The following LRP1 variants were observed in gnomAD, a reference collection of about 807,000 sequenced individuals.
LRP1 encodes prolow-density lipoprotein receptor-related protein 1.
In LRP1, 51 loss-of-function variants were observed where a neutral mutation model predicts 541.5. The ratio of observed to expected loss-of-function variants is 0.09; its 90% CI spans 0.08 to 0.12. The LOEUF is 0.12. Among genes scored for constraint, LRP1 ranks in the 10% least tolerant of loss-of-function variants. The probability of loss-of-function intolerance (pLI) is 1.00; values close to 1 mark genes in which losing one functional copy is unlikely to be tolerated. For missense variants in LRP1, 3,878 were observed against 6,376.2 expected, an observed-to-expected ratio of 0.61 and a Z score of 13.34; for synonymous variants, 2,219 against 2,470.8, an observed-to-expected ratio of 0.90 and a Z score of 3.02.
At chr12:57,176,964 G>A (rs145195779) in intron 24 of LRP1, 77 bp from the exon 25 acceptor site, 19 of 1,323,036 alleles carry the variant, frequency 1.4e-5, no homozygotes, top group Admixed American at 6.7e-5. Flanking sequence ...GTGGGTCATC[G>A]AGGGCTCCCA....
chr12:57,198,166 G>A lies in LRP1; in HGVS notation c.9293G>A (p.Arg3098His), dbSNP rs1281515531. Residue 3098 changes from arginine (R) to histidine (H), a missense_variant, in exon 59 of 89, where the codon CGT becomes CAT. Arg to His is a conservative substitution (Grantham distance 29). This residue lies in a region of LRP1 where 1,100 missense variants were observed against 1,827.4 expected (regional missense o/e 0.60). Coordinates refer to ENST00000243077, the MANE Select transcript of LRP1 (RefSeq NM_002332.3). ...LNGSNVQVLH[R>H]TGLSNPDGLA... Reference sequence around the variant, plus strand: ...TGCCCCTTCCTGCAGGTCCTACACCGTACAGGCCTCAGCAACCCCGATGGG... The same window carrying A: ...TGCCCCTTCCTGCAGGTCCTACACCATACAGGCCTCAGCAACCCCGATGGG... The A allele has an allele frequency of 9.3e-6, 15 of 1,611,492 alleles. No homozygotes were observed. The highest frequency in any genetic ancestry group is 1.7e-5 in the Admixed American group (1 of 59,978).
rs924839979 is a variant in LRP1, at chr12:57,184,711, A to G, written c.6187-128A>G. The G allele has an allele frequency of 4.7e-6, 5 of 1,064,468 alleles. No homozygotes were observed. In the Admixed American group the frequency reaches 7.3e-5, roughly 16 times the overall value. 65.9% of individuals were successfully genotyped at this position (1,064,468 alleles called of 1,614,324 possible). On this transcript the variant is annotated intron_variant, in intron 38 of 88. Coordinates refer to ENST00000243077, the MANE Select transcript of LRP1 (RefSeq NM_002332.3). This position sits in a 1 kb window ranked among gnomAD's most constrained non-coding sequence, Gnocchi z 7.8. ...GGCAGTGGGCAGGAGTGTATGCAGGAGGCAGGAGTGAGTTAGGGGAGGCTG... is the reference window on the plus strand; with the variant it reads ...GGCAGTGGGCAGGAGTGTATGCAGGGGGCAGGAGTGAGTTAGGGGAGGCTG...
At chr12:57,176,146 G>A in intron 24 of LRP1, 40 bp downstream of exon 24, 2 of 1,606,750 alleles carry the variant, frequency 1.2e-6, no homozygotes, top group Non-Finnish European at 1.7e-6. Context: ...CACACAGGCG[G>A]AGCGCTCAGG....
Position 57,195,663 on chromosome 12 carries a change from A to G in LRP1, c.8443A>G (p.Asn2815Asp), listed in dbSNP as rs754509643. The G allele has an allele frequency of 6.2e-7, 1 of 1,614,102 alleles. No individual in the cohort carries two copies. Among genetic ancestry groups the G allele is most frequent in the South Asian group, 1.1e-5 (1 of 91,084 alleles). ...DESIAAGCLY[N>D]STCDDREFMC... ...GTGTCCACCTCTGTCCACAGTGTAC[A>G]ACAGCACTTGTGACGACCGTGAGTT... The change falls in exon 53 of 89, where the codon AAC becomes GAC. Residue 2815 changes from asparagine (N) to aspartate (D), a missense_variant. Around this residue, in one of 13 missense-constraint regions of LRP1, gnomAD observed 1,100 missense variants for 1,827.4 expected, o/e 0.60. Coordinates refer to ENST00000243077, the MANE Select transcript of LRP1 (RefSeq NM_002332.3).
chr12:57,136,310 T>C lies in LRP1; in HGVS notation c.68-2149T>C, dbSNP rs371167958. Among the ~76,000 whole-genome samples the C allele has an allele frequency of 1.5e-3, 231 of 151,302 alleles. 1 individual carries two copies. The highest frequency in any genetic ancestry group is 5.5e-3 in the African/African-American group (227 of 41,172). On this transcript the variant is annotated intron_variant, in intron 1 of 88. Transcript: ENST00000243077. The stretch of plus-strand genomic sequence containing the variant: ...AACTCGGTCATTTTGGCCAGGGGCC[T>C]GAGTGCCGTCTCCCCTGCCAGCGGT...
chr12:57,173,491 C>T lies in LRP1; in HGVS notation c.3346+141C>T, dbSNP rs2035984144. On this transcript the variant is annotated intron_variant, in intron 21 of 88. Coordinates refer to ENST00000243077, the MANE Select transcript of LRP1 (RefSeq NM_002332.3). This position sits in a 1 kb window ranked among gnomAD's most constrained non-coding sequence, Gnocchi z 4.7. ...GGACAGTGCAAGGCAAAAGGCAGTC[C>T]AGAGGAAGCTTGTGTGTCATGGGTG... is the stretch of plus-strand genomic sequence containing the variant. The T allele has an allele frequency of 2.1e-6, 2 of 956,222 alleles. No homozygotes were observed. The highest frequency in any genetic ancestry group is 3.1e-6 in the Non-Finnish European group (2 of 650,452). 59.2% of individuals were successfully genotyped at this position (956,222 alleles called of 1,614,324 possible).
At chr12:57,163,685 A>G (rs1328425010) in intron 15 of LRP1, among the ~76,000 whole-genome samples, 2 of 152,166 alleles carry the variant, frequency 1.3e-5, no homozygotes, top group African/African-American at 2.4e-5. Flanking sequence ...TATTGTTAGC[A>G]TTGTGGTAAA....
chr12:57,188,022 C>T (rs2036302576), intron 42 of LRP1, among the ~76,000 whole-genome samples: 1 of 152,190 alleles, frequency 6.6e-6, no homozygotes, highest in Non-Finnish European at 1.5e-5. Flanking sequence ...TGAAGAAAGG[C>T]AAATTCAAGG....
chr12:57,183,608 G>A lies in LRP1; in HGVS notation c.5794+98G>A. 2 of 1,515,012 alleles carry A rather than the reference G, an allele frequency of 1.3e-6. No individual in the cohort carries two copies. The highest frequency in any genetic ancestry group is 8.9e-7 in the Non-Finnish European group (1 of 1,125,026). The allele number at this position is 1,515,012 out of a possible 1,614,324, so 93.8% of individuals were successfully genotyped here. A position where few individuals can be genotyped will look rare whatever the true frequency, so the allele number is the denominator to read the frequency against. On this transcript the variant is annotated intron_variant, in intron 35 of 88. Coordinates refer to ENST00000243077, the MANE Select transcript of LRP1 (RefSeq NM_002332.3). The surrounding 1 kb of genome is among the most constrained non-coding windows in gnomAD (Gnocchi z 6.1). Reference sequence around the variant, plus strand: ...GTCCAGTGAGAGGCTGCCTGAATTGGCCTGAGGTGGGGCACTTGCTACAGC... The same window carrying A: ...GTCCAGTGAGAGGCTGCCTGAATTGACCTGAGGTGGGGCACTTGCTACAGC...
rs1320428611 is a variant in LRP1, at chr12:57,183,747, A to C, written c.5795-28A>C. The C allele has an allele frequency of 6.2e-7, 1 of 1,613,062 alleles. No individual in the cohort carries two copies. Among genetic ancestry groups the C allele is most frequent in the East Asian group, 2.2e-5 (1 of 44,888 alleles). The stretch of plus-strand genomic sequence containing the variant: ...TCACCTTACCCCTGCCTTATTGGGC[A>C]TCCCCATGTCACCTCCTCCACCTCC... On this transcript the variant is annotated intron_variant, in intron 35 of 88. Transcript: ENST00000243077. This position sits in a 1 kb window ranked among gnomAD's most constrained non-coding sequence, Gnocchi z 6.1.
In LRP1 at chr12:57,173,388, A is replaced by G. The variant is rs762863349; in HGVS notation, c.3346+38A>G. The stretch of plus-strand genomic sequence containing the variant: ...GTTGGAGGGCGTCTGGAACAGCACA[A>G]TGTGGGCAGGAGGAGACCGTGTTGA... On this transcript the variant is annotated intron_variant, in intron 21 of 88. Coordinates refer to ENST00000243077, the MANE Select transcript of LRP1 (RefSeq NM_002332.3). The surrounding 1 kb of genome is among the most constrained non-coding windows in gnomAD (Gnocchi z 4.7). 3 of 1,595,300 alleles carry G rather than the reference A, an allele frequency of 1.9e-6. No homozygotes were observed. In the South Asian group the frequency reaches 3.4e-5, roughly 18 times the overall value.
In LRP1 at chr12:57,210,295, C is replaced by T. The variant is rs199788159; in HGVS notation, c.12581-12C>T. ...TCCCCTGGCTCTGCCCCTTGACGGG[C>T]CCTTCCTGCAGCTCCCCGGCCTGGA... On this transcript the variant is annotated splice_polypyrimidine_tract_variant and intron_variant, in intron 81 of 88. Transcript: ENST00000243077. 7.1e-6 allele frequency: 11 copies of T among 1,549,920 alleles called. No individual in the cohort carries two copies. Among genetic ancestry groups the T allele is most frequent in the Admixed American group, 1.9e-5 (1 of 53,172 alleles).
Position 57,197,778 on chromosome 12 carries a change from C to G in LRP1, c.9282+114C>G. ...ATTGCTTCCTTCTCACTCCACTAGTCACTATATGACTGCTTGTTCTAGCTG... is the reference window on the plus strand; with the variant it reads ...ATTGCTTCCTTCTCACTCCACTAGTGACTATATGACTGCTTGTTCTAGCTG... On this transcript the variant is annotated intron_variant, in intron 58 of 88. Coordinates refer to ENST00000243077, the MANE Select transcript of LRP1 (RefSeq NM_002332.3). This position sits in a 1 kb window ranked among gnomAD's most constrained non-coding sequence, Gnocchi z 4.5. The G allele has an allele frequency of 8.4e-7, 1 of 1,185,926 alleles. No individual in the cohort carries two copies. The highest frequency in any genetic ancestry group is 1.5e-5 in the African/African-American group (1 of 65,174). The allele number at this position is 1,185,926 out of a possible 1,614,324, so 73.5% of individuals were successfully genotyped here. A position where few individuals can be genotyped will look rare whatever the true frequency, so the allele number is the denominator to read the frequency against.
chr12:57,196,678 C>T (rs1270679390), intron 55 of LRP1, among the ~76,000 whole-genome samples: 2 of 152,190 alleles, frequency 1.3e-5, no homozygotes, highest in African/African-American at 4.8e-5. Flanking sequence ...AGCTGAGCAA[C>T]AGCCAGGAGC....
Position 57,179,745 on chromosome 12 carries a change from A to G in LRP1, c.4967-37A>G. On this transcript the variant is annotated intron_variant, in intron 29 of 88. Coordinates refer to ENST00000243077, the MANE Select transcript of LRP1 (RefSeq NM_002332.3). The surrounding 1 kb of genome is among the most constrained non-coding windows in gnomAD (Gnocchi z 6.8). ...CTCCCCTCCTGACCCACTGCCCTGC[A>G]GACACCCAACAACTGACTCCCTACT... The G allele has an allele frequency of 1.2e-6, 2 of 1,600,898 alleles. No homozygotes were observed. Among genetic ancestry groups the G allele is most frequent in the Non-Finnish European group, 8.5e-7 (1 of 1,171,168 alleles).
In LRP1 at chr12:57,197,340, C is replaced by T; in HGVS notation, c.9118C>T (p.Arg3040Cys). ...GATCTTCGCCAACCGGTACTACCTG[C>T]GCAAGCTCAACCTGGACGGGTCCAA... is the stretch of plus-strand genomic sequence containing the variant. ...FLIFANRYYL[R>C]KLNLDGSNYT... The change falls in exon 57 of 89, where the codon CGC (arginine) becomes TGC (cysteine). Residue 3040 changes from arginine to cysteine, a missense_variant. Arg to Cys is a radical substitution (Grantham distance 180). Around this residue, in one of 13 missense-constraint regions of LRP1, gnomAD observed 1,100 missense variants for 1,827.4 expected, o/e 0.60. Coordinates refer to ENST00000243077, the MANE Select transcript of LRP1 (RefSeq NM_002332.3). This position sits in a 1 kb window ranked among gnomAD's most constrained non-coding sequence, Gnocchi z 4.5. The T allele has an allele frequency of 3.1e-6, 5 of 1,614,000 alleles. No individual in the cohort carries two copies. The highest frequency in any genetic ancestry group is 2.2e-5 in the East Asian group (1 of 44,874).
rs940654363 is a variant in LRP1, at chr12:57,204,964, G to T, written c.11195-145G>T. The T allele has an allele frequency of 6.6e-6, 9 of 1,364,842 alleles. No homozygotes were observed. In the South Asian group the frequency reaches 9.9e-5, roughly 15 times the overall value. 84.5% of individuals were successfully genotyped at this position (1,364,842 alleles called of 1,614,324 possible). On this transcript the variant is annotated intron_variant, in intron 72 of 88. Transcript: ENST00000243077. This position sits in a 1 kb window ranked among gnomAD's most constrained non-coding sequence, Gnocchi z 5.3. ...CTGCCTGATGCCTTAGGTCTTGGAG[G>T]TGGGGCTGGGAACCCAAATGTTTGA...
Position 57,205,367 on chromosome 12 carries a change from C to T in LRP1, c.11352C>T (p.Ser3784=), listed in dbSNP as rs1323752662. The change falls in exon 74 of 89, where the codon AGC becomes AGT. Residue 3784 remains serine, a synonymous_variant. Transcript: ENST00000243077. This position sits in a 1 kb window ranked among gnomAD's most constrained non-coding sequence, Gnocchi z 4.6. ...CCCCCACAGACCCCAAGCTGACCAG[C>T]TGCGCCACCAATGCCAGCATCTGTG... ...EDCSIDPKLT[S]CATNASICGD... is the part of the protein sequence containing the mutation. 2 of 1,607,780 alleles carry T rather than the reference C, an allele frequency of 1.2e-6. No individual in the cohort carries two copies. The highest frequency in any genetic ancestry group is 2.2e-5 in the South Asian group (2 of 90,816).
rs1170928063 is a variant in LRP1, at chr12:57,179,117, G to C, written c.4738+96G>C. On this transcript the variant is annotated intron_variant, in intron 28 of 88. Transcript: ENST00000243077. The surrounding 1 kb of genome is among the most constrained non-coding windows in gnomAD (Gnocchi z 6.8). ...GGTTGTCAGCTAAGGCAGAGTCCCAGTCGGGAGGGTCCCGATAGGAGAGGC... is the reference window on the plus strand; with the variant it reads ...GGTTGTCAGCTAAGGCAGAGTCCCACTCGGGAGGGTCCCGATAGGAGAGGC... 2.0e-6 allele frequency: 3 copies of C among 1,501,150 alleles called. No homozygotes were observed. In the South Asian group the frequency reaches 3.9e-5, roughly 19 times the overall value. The allele number at this position is 1,501,150 out of a possible 1,614,324, so 93.0% of individuals were successfully genotyped here.
Sources: allele counts gnomAD v4.1 joint callset (sites outside exome capture counted in the v4.1 genomes callset), GRCh38; gene constraint gnomAD v4.1.1; regional missense constraint gnomAD v4.1.1; non-coding constraint Gnocchi (gnomAD v3.1); transcripts MANE v1.5; gene names NCBI Gene and HGNC (gene_info 2026-07-23, HGNC 2026-07-21).